HS3ST5: variants seen among roughly 807,000 people sequenced by gnomAD.
HS3ST5 encodes the protein heparan sulfate glucosamine 3-O-sulfotransferase 5.
Under a neutral mutation model 25.4 loss-of-function variants are expected in HS3ST5, and 10 were observed. The observed-to-expected ratio is 0.39, with a 90% confidence interval of 0.24 to 0.67. HS3ST5 has a LOEUF of 0.67. Ranked by LOEUF, HS3ST5 falls within the 30% of genes least tolerant of loss-of-function variation. HS3ST5 has a pLI of 0.44. For missense variants in HS3ST5, 324 were observed against 420.7 expected, an observed-to-expected ratio of 0.77 and a Z score of 2.01; for synonymous variants, 170 against 162.4, an observed-to-expected ratio of 1.05 and a Z score of -0.36.
intron 3 of HS3ST5, among the ~76,000 whole-genome samples, chr6:114,076,306 A>G (rs894605938): frequency 2.6e-5 from 4 of 152,172 alleles, no homozygotes; most frequent in Non-Finnish European, 4.4e-5. Flanking sequence ...GAGTTCAGCA[A>G]TCCCTCTGGG....
intron 1 of HS3ST5, among the ~76,000 whole-genome samples, chr6:114,253,426 T>C (rs1300962295): frequency 6.6e-6 from 1 of 152,208 alleles, no homozygotes; most frequent in Non-Finnish European, 1.5e-5. Flanking sequence ...TTGCTTAGTT[T>C]TGTTTTGTTT....
intron 3 of HS3ST5, among the ~76,000 whole-genome samples, chr6:114,078,248 C>G (rs1030973073): frequency 6.6e-6 from 1 of 151,916 alleles, no homozygotes; most frequent in Non-Finnish European, 1.5e-5. Context: ...GCTCTGTCAT[C>G]CAGGCTGGAG....
At chr6:114,160,748 C>T (rs1778907333) in intron 3 of HS3ST5, among the ~76,000 whole-genome samples, 1 of 151,960 alleles carries the variant, frequency 6.6e-6, no homozygotes, top group Non-Finnish European at 1.5e-5. Flanking sequence ...ATAAAATTAC[C>T]TGTTATTAAA....
At chr6:114,186,825 T>C (rs886516804) in intron 2 of HS3ST5, among the ~76,000 whole-genome samples, 4 of 152,254 alleles carry the variant, frequency 2.6e-5, no homozygotes, top group African/African-American at 9.6e-5. Flanking sequence ...TAGGGGCTAA[T>C]GACTTTATTT....
At chr6:114,224,720 A>ACACC (rs1183492311) in intron 2 of HS3ST5, among the ~76,000 whole-genome samples, 3 of 150,750 alleles carry the variant, frequency 2.0e-5, no homozygotes, top group Non-Finnish European at 4.4e-5. Flanking sequence ...ACACACACAC[A>ACACC]CCGACTTCTT....
intron 1 of HS3ST5, among the ~76,000 whole-genome samples, chr6:114,300,357 T>A (rs1775021123): frequency 6.6e-6 from 1 of 152,144 alleles, no homozygotes; most frequent in South Asian, 2.1e-4. Flanking sequence ...AATAGACATT[T>A]TCTCCAAAGA....
chr6:114,307,744 A>G (rs1775357563), intron 1 of HS3ST5, among the ~76,000 whole-genome samples: 1 of 152,112 alleles, frequency 6.6e-6, no homozygotes, highest in Admixed American at 6.5e-5. Context: ...ATTGATAGCA[A>G]TATAACCAAG....
At chr6:114,319,280 A>G (rs1775870299) in intron 1 of HS3ST5, among the ~76,000 whole-genome samples, 1 of 152,134 alleles carries the variant, frequency 6.6e-6, no homozygotes, top group Admixed American at 6.5e-5. Context: ...TGATTTAGAT[A>G]ACTCCCCTCT....
chr6:114,278,842 G>A (rs929567497), intron 1 of HS3ST5, among the ~76,000 whole-genome samples: 2 of 151,952 alleles, frequency 1.3e-5, no homozygotes, highest in African/African-American at 4.8e-5. Context: ...AAACCAGATG[G>A]AAATGTGTTC....
At chr6:114,303,906 A>G (rs929048964) in intron 1 of HS3ST5, among the ~76,000 whole-genome samples, 1 of 152,174 alleles carries the variant, frequency 6.6e-6, no homozygotes, top group African/African-American at 2.4e-5. Context: ...AAATTTTATT[A>G]TTTAAAAAAT....
intron 3 of HS3ST5, among the ~76,000 whole-genome samples, chr6:114,090,432 C>A (rs1024418623): frequency 6.6e-6 from 1 of 152,018 alleles, no homozygotes; most frequent in Non-Finnish European, 1.5e-5. Context: ...CTTTCCCTAC[C>A]CCCTCCTCCC....
At chr6:114,326,822 C>A (rs1253900873) in intron 1 of HS3ST5, among the ~76,000 whole-genome samples, 1 of 151,794 alleles carries the variant, frequency 6.6e-6, no homozygotes, top group Non-Finnish European at 1.5e-5. Context: ...CTGTAAACTT[C>A]TTTTTCAGTG....
intron 3 of HS3ST5, among the ~76,000 whole-genome samples, chr6:114,081,488 T>C (rs1774447683): frequency 1.3e-5 from 2 of 152,202 alleles, no homozygotes; most frequent in African/African-American, 4.8e-5. Flanking sequence ...GAAAGAGGTG[T>C]CAAATAATTT....
At chr6:114,247,989 C>G (rs34349763) in intron 1 of HS3ST5, among the ~76,000 whole-genome samples, 1 of 151,642 alleles carries the variant, frequency 6.6e-6, no homozygotes, top group African/African-American at 2.4e-5. Context: ...CACCTGAGGT[C>G]AGGAGTTCGA....
At chr6:114,315,745 A>G (rs142870273) in intron 1 of HS3ST5, among the ~76,000 whole-genome samples, 61 of 152,314 alleles carry the variant, frequency 4.0e-4, no homozygotes, top group African/African-American at 1.3e-3. Flanking sequence ...TTATAGACAT[A>G]TATGTTCACA....
chr6:114,285,454 T>A (rs538266803), intron 1 of HS3ST5, among the ~76,000 whole-genome samples: 1 of 152,108 alleles, frequency 6.6e-6, no homozygotes, highest in East Asian at 1.9e-4. Flanking sequence ...TAAATTTAAA[T>A]AAATGTGGTG....
chr6:114,197,173 T>C (rs891499281), intron 2 of HS3ST5, among the ~76,000 whole-genome samples: 3 of 151,498 alleles, frequency 2.0e-5, no homozygotes, highest in East Asian at 1.9e-4. Context: ...ATTTTTTGAA[T>C]AGACAAATAA....
At chr6:114,280,324 A>C (rs538251416) in intron 1 of HS3ST5, among the ~76,000 whole-genome samples, 2 of 152,040 alleles carry the variant, frequency 1.3e-5, no homozygotes, top group South Asian at 4.2e-4. Flanking sequence ...ATGAAAGTTA[A>C]GAAAGATTTA....
At chr6:114,317,802 C>CGGGGGGGGGGG (rs35127490) in intron 1 of HS3ST5, among the ~76,000 whole-genome samples, 1 of 68,574 alleles carries the variant, frequency 1.5e-5, no homozygotes, top group African/African-American at 6.4e-5. Context: ...AGGCGGGGGG[C>CGGGGGGGGGGG]GGGGGGGTAG....
Sources: allele counts gnomAD v4.1 joint callset (sites outside exome capture counted in the v4.1 genomes callset), GRCh38; gene constraint gnomAD v4.1.1; transcripts MANE v1.5; gene names NCBI Gene and HGNC (gene_info 2026-07-23, HGNC 2026-07-21).